The following PLCL2 variants were observed in gnomAD, a reference collection of about 807,000 sequenced individuals.
The protein encoded by PLCL2 is inactive phospholipase C-like protein 2.
In PLCL2, 4 loss-of-function variants were observed where a neutral mutation model predicts 79.6. The ratio of observed to expected loss-of-function variants is 0.05; its 90% CI spans 0.02 to 0.11. The LOEUF is 0.11. PLCL2 is among the 10% of genes least tolerant of loss of function. PLCL2 has a pLI of 1.00. For synonymous variants in PLCL2, 484 were observed against 457.7 expected, an observed-to-expected ratio of 1.06 and a Z score of -0.73; for missense variants, 895 against 1,291.0, an observed-to-expected ratio of 0.69 and a Z score of 4.70.
chr3:16,945,842 C>T (rs2063595331), intron 1 of PLCL2, among the ~76,000 whole-genome samples: 1 of 152,222 alleles, frequency 6.6e-6, no homozygotes, highest in South Asian at 2.1e-4. Flanking sequence ...ACCTTTCTGA[C>T]CCAAGCGCCA....
intron 3 of PLCL2, among the ~76,000 whole-genome samples, chr3:17,015,244 G>T (rs2064371456): frequency 1.3e-5 from 2 of 152,266 alleles, no homozygotes. Context: ...GCCAGTCATT[G>T]ATTATTTGTT....
At chr3:17,050,326 A>C (rs1478803875) in intron 4 of PLCL2, among the ~76,000 whole-genome samples, 1 of 152,182 alleles carries the variant, frequency 6.6e-6, no homozygotes, top group Non-Finnish European at 1.5e-5. Context: ...AAATGGGATC[A>C]CATCAAGTTA....
chr3:17,063,653 C>T lies in PLCL2; in HGVS notation c.3095-4303C>T, dbSNP rs192788225. On this transcript the variant is annotated intron_variant, in intron 4 of 5. Coordinates refer to ENST00000615277, the MANE Select transcript of PLCL2 (RefSeq NM_001144382.2). ...ACTTCTCTGTGCTGCCTGTCCCCAC[C>T]ATTCTCTGACAAGTTCCCCCAGACC... Among the ~76,000 whole-genome samples the T allele has an allele frequency of 2.7e-3, 413 of 152,186 alleles. 1 individual carries two copies. The highest frequency in any genetic ancestry group is 9.3e-3 in the African/African-American group (388 of 41,530).
chr3:17,022,161 A>T (rs1454027739), intron 3 of PLCL2, among the ~76,000 whole-genome samples: 1 of 152,232 alleles, frequency 6.6e-6, no homozygotes, highest in Non-Finnish European at 1.5e-5. Flanking sequence ...TGAATCTGGT[A>T]GAAAATATGA....
chr3:17,085,818 T>G (rs1183757274), intron 5 of PLCL2, among the ~76,000 whole-genome samples: 2 of 152,182 alleles, frequency 1.3e-5, no homozygotes, highest in Non-Finnish European at 2.9e-5. Context: ...CCATTTACAT[T>G]AGAACCCCCA....
At chr3:16,969,800 G>C (rs1481918132) in intron 1 of PLCL2, among the ~76,000 whole-genome samples, 2 of 151,748 alleles carry the variant, frequency 1.3e-5, no homozygotes, top group Admixed American at 1.3e-4. Context: ...GTTTGCTCTT[G>C]TTTTTCTAGT....
chr3:16,900,944 A>C (rs1454669090), intron 1 of PLCL2, among the ~76,000 whole-genome samples: 1 of 152,208 alleles, frequency 6.6e-6, no homozygotes, highest in African/African-American at 2.4e-5. Context: ...TCAAAAGATA[A>C]TCTTGGAGTG....
chr3:17,077,189 A>G (rs181704523), intron 5 of PLCL2, among the ~76,000 whole-genome samples: 6 of 152,314 alleles, frequency 3.9e-5, no homozygotes, highest in Admixed American at 2.0e-4. Flanking sequence ...TTCTTCTCTC[A>G]GGATCACTGT....
intron 1 of PLCL2, among the ~76,000 whole-genome samples, chr3:16,954,781 T>C (rs186603308): frequency 3.3e-5 from 5 of 152,370 alleles, no homozygotes; most frequent in African/African-American, 1.2e-4. Context: ...TGGCCAGTGA[T>C]GGTGAGCATT....
chr3:17,047,423 G>T (rs935727408), intron 4 of PLCL2, among the ~76,000 whole-genome samples: 4 of 151,918 alleles, frequency 2.6e-5, no homozygotes, highest in African/African-American at 9.7e-5. Flanking sequence ...TGACTGTTAG[G>T]AGGGAGGATC....
intron 3 of PLCL2, among the ~76,000 whole-genome samples, chr3:17,019,102 A>G (rs2064417451): frequency 6.6e-6 from 1 of 152,204 alleles, no homozygotes; most frequent in South Asian, 2.1e-4. Flanking sequence ...TTCAGAGATT[A>G]GGAAGACTTC....
chr3:16,968,961 T>A (rs770650770), intron 1 of PLCL2, among the ~76,000 whole-genome samples: 1 of 152,142 alleles, frequency 6.6e-6, no homozygotes, highest in Non-Finnish European at 1.5e-5. Flanking sequence ...ACACGAAGGA[T>A]GTTGGATTTT....
intron 1 of PLCL2, among the ~76,000 whole-genome samples, chr3:16,977,723 G>A (rs1177271735): frequency 1.3e-5 from 2 of 152,224 alleles, no homozygotes; most frequent in East Asian, 1.9e-4. Context: ...TTTGTATTAT[G>A]TTTGATACAT....
At chr3:16,918,268 TA>T (rs1431650543) in intron 1 of PLCL2, among the ~76,000 whole-genome samples, 1 of 151,880 alleles carries the variant, frequency 6.6e-6, no homozygotes, top group Non-Finnish European at 1.5e-5. Flanking sequence ...GTTAAAACAA[TA>T]GATAGTTTTT....
chr3:16,936,978 G>T lies in PLCL2; in HGVS notation c.327+51612G>T, dbSNP rs1244150696. On this transcript the variant is annotated intron_variant, in intron 1 of 5. Coordinates refer to ENST00000615277, the MANE Select transcript of PLCL2 (RefSeq NM_001144382.2). ...ATAATTTTTGGCGGGGTGAGCGGGGGCTCTCGTTTGTGTTATAGGATGTTT... is the reference window on the plus strand; with the variant it reads ...ATAATTTTTGGCGGGGTGAGCGGGGTCTCTCGTTTGTGTTATAGGATGTTT... 3.9e-5 allele frequency among the ~76,000 whole-genome samples: 6 copies of T among 152,064 alleles called. No homozygotes were observed. The East Asian group carries it at 5.8e-4, about 15-fold the overall frequency.
At chr3:16,962,435 T>C (rs548197048) in intron 1 of PLCL2, among the ~76,000 whole-genome samples, 23 of 151,518 alleles carry the variant, frequency 1.5e-4, no homozygotes, top group Non-Finnish European at 2.4e-4. Flanking sequence ...TTTTTTTTTT[T>C]CCCCAAGGAC....
intron 1 of PLCL2, among the ~76,000 whole-genome samples, chr3:16,939,175 A>G (rs1697616349): frequency 1.3e-5 from 2 of 152,188 alleles, no homozygotes; most frequent in African/African-American, 4.8e-5. Flanking sequence ...CTTTCTTGTC[A>G]TATTTTCTTT....
intron 3 of PLCL2, among the ~76,000 whole-genome samples, chr3:17,027,183 A>T (rs2064526575): frequency 6.6e-6 from 1 of 152,234 alleles, no homozygotes; most frequent in Non-Finnish European, 1.5e-5. Context: ...TATCTCAAGT[A>T]CTTTGAGTCC....
At chr3:16,993,216 G>T (rs1339124728) in intron 1 of PLCL2, among the ~76,000 whole-genome samples, 1 of 152,186 alleles carries the variant, frequency 6.6e-6, no homozygotes, top group Non-Finnish European at 1.5e-5. Flanking sequence ...TTTGCCCAGG[G>T]CAGTCCCTGT....
Sources: allele counts gnomAD v4.1 joint callset (sites outside exome capture counted in the v4.1 genomes callset), GRCh38; gene constraint gnomAD v4.1.1; transcripts MANE v1.5; gene names NCBI Gene and HGNC (gene_info 2026-07-23, HGNC 2026-07-21).